CLCA4: variants seen among roughly 807,000 people sequenced by gnomAD.
The protein encoded by CLCA4 is chloride channel accessory 4.
CLCA4 carries 69 observed loss-of-function variants against 78.9 expected under a neutral mutation model. The ratio of observed to expected loss-of-function variants is 0.87; its 90% CI spans 0.72 to 1.07. The LOEUF is 1.07. Among genes scored for constraint, CLCA4 ranks in the 50% least tolerant of loss-of-function variants. The pLI is 0.00. For missense variants in CLCA4, 1,133 were observed against 1,095.8 expected, an observed-to-expected ratio of 1.03 and a Z score of -0.48; for synonymous variants, 362 against 375.8, an observed-to-expected ratio of 0.96 and a Z score of 0.42.
intron 1 of CLCA4, among the ~76,000 whole-genome samples, chr1:86,554,905 T>G (rs1198407902): frequency 1.3e-5 from 2 of 152,024 alleles, no homozygotes; most frequent in Non-Finnish European, 2.9e-5. Flanking sequence ...CTAACTGGTA[T>G]GAGATGATAT....
At chr1:86,552,926 G>A in intron 1 of CLCA4, 2 of 660,794 alleles carry the variant, frequency 3.0e-6, no homozygotes, top group Non-Finnish European at 5.5e-6. Context: ...TCCTCCCTCT[G>A]CGGGTGCCTC....
At chr1:86,556,070 T>G (rs955427319) in intron 1 of CLCA4, among the ~76,000 whole-genome samples, 1 of 152,252 alleles carries the variant, frequency 6.6e-6, no homozygotes, top group African/African-American at 2.4e-5. Context: ...GAAACTTTGC[T>G]GAAGCTATTC....
chr1:86,576,049 A>G (rs943118040), intron 11 of CLCA4, among the ~76,000 whole-genome samples: 1 of 152,066 alleles, frequency 6.6e-6, no homozygotes, highest in Admixed American at 6.6e-5. Flanking sequence ...CCAAGATCAT[A>G]ACACCACATT....
chr1:86,548,448 C>T (rs1558175728), intron 1 of CLCA4, among the ~76,000 whole-genome samples: 2 of 151,642 alleles, frequency 1.3e-5, no homozygotes, highest in Admixed American at 1.3e-4. Flanking sequence ...TTTGGGAGGC[C>T]GAGGAGGGCA....
At chr1:86,562,714 C>T (rs192513406) in intron 3 of CLCA4, among the ~76,000 whole-genome samples, 3 of 151,950 alleles carry the variant, frequency 2.0e-5, no homozygotes, top group Admixed American at 6.5e-5. Context: ...ATTAGCCGAG[C>T]ATAGTGGCAG....
At chr1:86,555,918 C>T (rs1425474593) in intron 1 of CLCA4, among the ~76,000 whole-genome samples, 5 of 152,076 alleles carry the variant, frequency 3.3e-5, no homozygotes, top group Non-Finnish European at 1.5e-5. Context: ...AATGTTTCAC[C>T]TCCCTGGTTA....
chr1:86,577,339 T>C (rs891115011), intron 11 of CLCA4, among the ~76,000 whole-genome samples: 3 of 152,070 alleles, frequency 2.0e-5, no homozygotes, highest in African/African-American at 7.2e-5. Context: ...CAAACTTTAG[T>C]ATGCAAAGGA....
In CLCA4 at chr1:86,567,635, T is replaced by C. The variant is rs765011832; in HGVS notation, c.1166T>C (p.Ile389Thr). Reference protein sequence around the residue: ...PLGGTSICSGIKYAFQVIGEL... With the variant: ...PLGGTSICSGTKYAFQVIGEL... The stretch of plus-strand genomic sequence containing the variant: ...GGAGGAACTTCCATCTGCTCTGGAA[T>C]TAAATATGCATTTCAGGTGAAAATC... The change falls in exon 7 of 14, where the codon ATT becomes ACT. Residue 389 changes from isoleucine (I) to threonine (T), a missense_variant. Coordinates refer to ENST00000370563, the MANE Select transcript of CLCA4 (RefSeq NM_012128.4). 5 of 1,609,948 alleles carry C rather than the reference T, an allele frequency of 3.1e-6. No homozygotes were observed. Among genetic ancestry groups the C allele is most frequent in the Non-Finnish European group, 3.4e-6 (4 of 1,178,026 alleles).
At chr1:86,552,862 G>A in intron 1 of CLCA4, 1 of 739,782 alleles carries the variant, frequency 1.4e-6, no homozygotes, top group Non-Finnish European at 2.4e-6. Context: ...ATCTGATCGA[G>A]TGATTTGCGA....
At chr1:86,560,415 G>T (rs565876491) in intron 3 of CLCA4, 57 bp downstream of exon 3, 42 of 1,580,442 alleles carry the variant, frequency 2.7e-5, no homozygotes, top group African/African-American at 1.1e-4. Flanking sequence ...AACTTTTTAT[G>T]CAGGTTAAGT....
Position 86,562,810 on chromosome 1 carries a change from C to T in CLCA4, c.449-851C>T, listed in dbSNP as rs184380547. Among the ~76,000 whole-genome samples the T allele has an allele frequency of 1.4e-3, 202 of 149,318 alleles. 2 individuals are homozygous for T. Among genetic ancestry groups the T allele is most frequent in the African/African-American group, 4.5e-3 (182 of 40,444 alleles). The stretch of plus-strand genomic sequence containing the variant: ...CAGAGGTTGCAGTGAGCTGAGATCG[C>T]GCCATTGCACTCCAGCCCAGGCGAC... On this transcript the variant is annotated intron_variant, in intron 3 of 13. Transcript: ENST00000370563.
At chr1:86,579,909 G>C in intron 13 of CLCA4, 33 bp from the exon 14 acceptor site, 3 of 1,367,612 alleles carry the variant, frequency 2.2e-6, no homozygotes, top group Non-Finnish European at 3.0e-6. Flanking sequence ...CTATGCTGCA[G>C]TCTCTAAACT....
rs1390754339 is a variant in CLCA4 at position 86,577,902 on chromosome 1, G to A, written c.1952G>A (p.Gly651Asp). 1.9e-6 allele frequency: 3 copies of A among 1,608,482 alleles called. No homozygotes were observed. The highest frequency in any genetic ancestry group is 2.5e-6 in the Non-Finnish European group (3 of 1,177,678). Residue 651 changes from glycine (G) to aspartate (D), a missense_variant and splice_region_variant, in exon 12 of 14, where the codon GGC becomes GAC. Gly to Asp is a moderately conservative substitution (Grantham distance 94, BLOSUM62 -1). Transcript: ENST00000370563. Reference sequence around the variant, plus strand: ...TTTATTCCTTCATTTCTATAACAAGGCGCTGATTCTTTCAAGAATGATGGA... The same window carrying A: ...TTTATTCCTTCATTTCTATAACAAGACGCTGATTCTTTCAAGAATGATGGA... The part of the protein sequence containing the change: ...EVLELLDNGA[G>D]ADSFKNDGVY...
At chr1:86,549,356 G>A (rs914384105) in intron 1 of CLCA4, among the ~76,000 whole-genome samples, 2 of 152,218 alleles carry the variant, frequency 1.3e-5, no homozygotes, top group Non-Finnish European at 2.9e-5. Context: ...CATAGGGTGA[G>A]CTGAAGTTAG....
intron 8 of CLCA4, 78 bp downstream of exon 8, chr1:86,571,332 T>C: frequency 7.1e-7 from 1 of 1,411,968 alleles, no homozygotes; most frequent in Non-Finnish European, 9.6e-7. Flanking sequence ...CAACGTCTCT[T>C]GAGTTTCTGC....
intron 1 of CLCA4, among the ~76,000 whole-genome samples, chr1:86,551,330 A>G (rs1243937900): frequency 5.3e-5 from 8 of 152,156 alleles, no homozygotes; most frequent in Non-Finnish European, 2.9e-5. Flanking sequence ...GTTTTGATGG[A>G]TAATTTTTTA....
At chr1:86,561,849 C>T (rs1388738573) in intron 3 of CLCA4, among the ~76,000 whole-genome samples, 2 of 152,122 alleles carry the variant, frequency 1.3e-5, no homozygotes, top group Non-Finnish European at 2.9e-5. Context: ...ATCTTTCTTC[C>T]TTTTCACAAA....
chr1:86,548,199 G>A (rs1649553660), intron 1 of CLCA4, among the ~76,000 whole-genome samples: 1 of 152,068 alleles, frequency 6.6e-6, no homozygotes, highest in Non-Finnish European at 1.5e-5. Context: ...GATTAATGAT[G>A]TTGACCACTT....
chr1:86,566,028 C>A lies in CLCA4; in HGVS notation c.954+8C>A. The stretch of plus-strand genomic sequence containing the variant: ...AAGTCTGGAAGCATGGGGGTAAGAT[C>A]ACTTTTTCTGGATATAGGGATGTAG... On this transcript the variant is annotated splice_region_variant and intron_variant, in intron 6 of 13. Transcript: ENST00000370563. 1 of 1,607,522 alleles carries A rather than the reference C, an allele frequency of 6.2e-7. No individual in the cohort carries two copies. The highest frequency in any genetic ancestry group is 8.5e-7 in the Non-Finnish European group (1 of 1,175,138).
Sources: gnomAD v4.1 joint callset for allele counts (sites outside exome capture counted in the v4.1 genomes callset) on GRCh38, gnomAD v4.1.1 for gene constraint, MANE v1.5 for transcripts, NCBI Gene and HGNC (gene_info 2026-07-23, HGNC 2026-07-21) for gene names.